The following KCNAB2 variants were observed in gnomAD, a reference collection of about 807,000 sequenced individuals.
KCNAB2 encodes the protein potassium voltage-gated channel subfamily A regulatory beta subunit 2.
KCNAB2 carries 29 observed loss-of-function variants against 63.6 expected under a neutral mutation model. The ratio of observed to expected loss-of-function variants is 0.46; its 90% confidence interval spans 0.34 to 0.62. The LOEUF (loss-of-function observed/expected upper bound fraction) is 0.62. Among genes scored for constraint, KCNAB2 ranks in the 20% least tolerant of loss-of-function variants. KCNAB2 has a pLI of 0.01. For missense variants in KCNAB2, 359 were observed against 563.9 expected (o/e 0.64, Z 3.68); for synonymous variants, 222 against 224.2 (o/e 0.99, Z 0.09).
intron 1 of KCNAB2, among the ~76,000 whole-genome samples, chr1:6,001,437 G>A (rs985991517): frequency 2.1e-4 from 32 of 152,318 alleles, no homozygotes; most frequent in African/African-American, 7.5e-4. Context: ...GTGCCACTGG[G>A]AGGGATGCCT....
Position 6,096,636 on chromosome 1 carries a change from G to A in KCNAB2, c.949G>A (p.Gly317Ser). The change falls in exon 14 of 16, where the codon GGC (glycine) becomes AGC (serine). Residue 317 changes from glycine (G) to serine (S), a missense_variant and splice_region_variant. By Grantham distance (56) the Gly-to-Ser change is moderately conservative. Transcript: ENST00000378083. This position sits in a 1 kb window ranked among gnomAD's most constrained non-coding sequence, Gnocchi z 5.9. ...TGCTGCTCCCCTCCCCCGCAACCAG[G>A]GCTACCAGTGGCTGAAGGACAAGAT... ...IPPYSRASLK[G>S]YQWLKDKILS... 6.2e-7 allele frequency: 1 copy of A among 1,610,540 alleles called. No homozygotes were observed. The highest frequency in any genetic ancestry group is 8.5e-7 in the Non-Finnish European group (1 of 1,179,034).
intron 1 of KCNAB2, among the ~76,000 whole-genome samples, chr1:6,004,828 G>A (rs1657462386): frequency 1.3e-5 from 2 of 152,174 alleles, no homozygotes; most frequent in South Asian, 4.2e-4. Flanking sequence ...TTCTACCCCC[G>A]AGTCCCACCT....
chr1:6,085,396 C>A, intron 6 of KCNAB2, 148 bp downstream of exon 6: 2 of 726,306 alleles, frequency 2.8e-6, no homozygotes, highest in Non-Finnish European at 4.8e-6. Flanking sequence ...AAATTCAGTT[C>A]TCCAAGAGTA....
chr1:6,020,054 G>T (rs111444413), intron 1 of KCNAB2, among the ~76,000 whole-genome samples: 16 of 152,262 alleles, frequency 1.1e-4, no homozygotes, highest in African/African-American at 2.6e-4. Flanking sequence ...TTGCGGAGGG[G>T]GGTCATGCAT....
At chr1:6,064,861 G>A (rs944074719) in intron 2 of KCNAB2, among the ~76,000 whole-genome samples, 2 of 152,166 alleles carry the variant, frequency 1.3e-5, no homozygotes, top group South Asian at 2.1e-4. Flanking sequence ...CAGCCCCTCC[G>A]GATGCTGAAG....
At chr1:6,055,817 C>G (rs1380625015) in intron 2 of KCNAB2, among the ~76,000 whole-genome samples, 1 of 152,182 alleles carries the variant, frequency 6.6e-6, no homozygotes, top group Non-Finnish European at 1.5e-5. Flanking sequence ...CTCAGACCAC[C>G]AGTTATTAAA....
At chr1:6,066,008 G>A (rs1279389209) in intron 2 of KCNAB2, among the ~76,000 whole-genome samples, 1 of 152,202 alleles carries the variant, frequency 6.6e-6, no homozygotes, top group Non-Finnish European at 1.5e-5. Flanking sequence ...GGGACAGATG[G>A]CTCCTGAGCC....
chr1:6,076,808 G>C (rs888519179), intron 4 of KCNAB2, among the ~76,000 whole-genome samples: 9 of 152,226 alleles, frequency 5.9e-5, no homozygotes. Context: ...CTGGGACCCA[G>C]ATACTGGAAG....
In KCNAB2 at chr1:6,003,996, C is replaced by T. The variant is rs183590761; in HGVS notation, c.-53+11208C>T. On this transcript the variant is annotated intron_variant, in intron 1 of 16. Transcript: ENST00000341524. This position sits in a 1 kb window ranked among gnomAD's most constrained non-coding sequence, Gnocchi z 4.1. ...GTCACGTGGTCATGGGACGGTAATCCTCTTTGAAGCCATTTGTTATTTATT... is the reference window on the plus strand; with the variant it reads ...GTCACGTGGTCATGGGACGGTAATCTTCTTTGAAGCCATTTGTTATTTATT... Among the ~76,000 whole-genome samples, 6 of 152,302 alleles carry T rather than the reference C, an allele frequency of 3.9e-5. No individual in the cohort carries two copies. The East Asian group carries it at 1.2e-3, about 29-fold the overall frequency.
intron 1 of KCNAB2, among the ~76,000 whole-genome samples, chr1:6,022,241 G>GTAGTTCAGTGGTATTGAGTGTA (rs1445982592): frequency 6.7e-6 from 1 of 148,844 alleles, no homozygotes; most frequent in Non-Finnish European, 1.5e-5. Context: ...TATCCAGTGG[G>GTAGTTCAGTGGTATTGAGTGTA]TAGTTCAGTG....
rs1557912493 is a variant in KCNAB2 at position 5,994,532 on chromosome 1, T to G, written c.-53+1744T>G. Among the ~76,000 whole-genome samples the G allele has an allele frequency of 6.6e-6, 1 of 152,174 alleles. No individual in the cohort carries two copies. The highest frequency in any genetic ancestry group is 1.9e-4 in the East Asian group (1 of 5,200). The stretch of plus-strand genomic sequence containing the variant: ...TCCCTGTTGACACCCAGGGCCATTT[T>G]TTTTTTCCCTGCGCCAGTCAGCAAA... On this transcript the variant is annotated intron_variant, in intron 1 of 16. Transcript: ENST00000341524. The surrounding 1 kb of genome is among the most constrained non-coding windows in gnomAD (Gnocchi z 5.4).
rs1392713905 is a variant in KCNAB2 at position 6,091,361 on chromosome 1, T to A, written c.646+54T>A. 3 of 1,237,826 alleles carry A rather than the reference T, an allele frequency of 2.4e-6. No homozygotes were observed. In the East Asian group the frequency reaches 7.6e-5, roughly 31 times the overall value. 76.7% of individuals were successfully genotyped at this position (1,237,826 alleles called of 1,614,324 possible). A position where few individuals can be genotyped will look rare whatever the true frequency, so the allele number is the denominator to read the frequency against. On this transcript the variant is annotated intron_variant, in intron 10 of 15. Transcript: ENST00000378083. ...ACTTCTGTGTCCAAGCTGCATTTTA[T>A]GAGACAGTATTTTTATTTACATGAT...
At chr1:6,001,051 C>T (rs1657229163) in intron 1 of KCNAB2, among the ~76,000 whole-genome samples, 1 of 152,092 alleles carries the variant, frequency 6.6e-6, no homozygotes, top group Admixed American at 6.5e-5. Context: ...TCCAAAGGCG[C>T]AGAGACAGCA....
chr1:6,050,112 C>T (rs1373065348), intron 1 of KCNAB2, among the ~76,000 whole-genome samples: 2 of 152,222 alleles, frequency 1.3e-5, no homozygotes, highest in South Asian at 2.1e-4. Flanking sequence ...CGTGCTAAAG[C>T]CTCTGTAGCT....
intron 1 of KCNAB2, among the ~76,000 whole-genome samples, chr1:6,038,582 T>C (rs553993882): frequency 6.6e-6 from 1 of 152,316 alleles, no homozygotes; most frequent in South Asian, 2.1e-4. Context: ...CCCGAAGTGC[T>C]GGTATTCCAG....
At chr1:6,075,252 T>C (rs1004357399) in intron 4 of KCNAB2, among the ~76,000 whole-genome samples, 2 of 152,214 alleles carry the variant, frequency 1.3e-5, no homozygotes, top group Non-Finnish European at 2.9e-5. Flanking sequence ...GGCCTGTATG[T>C]CCTTGTGGGA....
In KCNAB2 at chr1:6,028,555, C is replaced by T. The variant is rs1659367253; in HGVS notation, c.-52-11962C>T. Among the ~76,000 whole-genome samples the T allele has an allele frequency of 6.6e-6, 1 of 152,238 alleles. No homozygotes were observed. Among genetic ancestry groups the T allele is most frequent in the Admixed American group, 6.5e-5 (1 of 15,284 alleles). On this transcript the variant is annotated intron_variant, in intron 1 of 16. Transcript: ENST00000341524. The surrounding 1 kb of genome is among the most constrained non-coding windows in gnomAD (Gnocchi z 4.0). The stretch of plus-strand genomic sequence containing the variant: ...CAGAACAGCCCCCCTCTCTCCATCC[C>T]TTCTGCGATGTTCACTAGGCATTAC...
intron 1 of KCNAB2, among the ~76,000 whole-genome samples, chr1:6,004,983 C>G (rs57449717): frequency 3.2e-3 from 211 of 66,708 alleles, no homozygotes; most frequent in Non-Finnish European, 4.3e-3. Flanking sequence ...GATGAGGGTG[C>G]AGGCAGAGAT....
chr1:6,085,052 A>C, intron 5 of KCNAB2, 152 bp from the exon 6 acceptor site: 1 of 741,376 alleles, frequency 1.3e-6, no homozygotes, highest in Non-Finnish European at 2.4e-6. Flanking sequence ...TGTCTGTGGA[A>C]TGAGCTACTG....
Sources: gnomAD v4.1 joint callset for allele counts (sites outside exome capture counted in the v4.1 genomes callset) on GRCh38, gnomAD v4.1.1 for gene constraint, Gnocchi (gnomAD v3.1) non-coding constraint, MANE v1.5 for transcripts, NCBI Gene and HGNC (gene_info 2026-07-23, HGNC 2026-07-21) for gene names.